The following VWA2 variants were observed in gnomAD, a reference collection of about 807,000 sequenced individuals.
The protein encoded by VWA2 is von Willebrand factor A domain-containing protein 2.
In VWA2, 73 loss-of-function variants were observed where a neutral mutation model predicts 70.4. That is an observed-to-expected ratio of 1.04 (90% CI 0.86 to 1.26). The LOEUF (loss-of-function observed/expected upper bound fraction) is 1.26. Ranked by LOEUF, VWA2 falls within the 50% of genes most tolerant of loss-of-function variation. VWA2 has a pLI of 0.00. For missense variants in VWA2, 1,011 were observed against 998.5 expected (o/e 1.01, Z -0.17); for synonymous variants, 407 against 423.3 (o/e 0.96, Z 0.47).
At chr10:114,276,134 C>G (rs1029901978) in intron 6 of VWA2, among the ~76,000 whole-genome samples, 1 of 152,170 alleles carries the variant, frequency 6.6e-6, no homozygotes, top group African/African-American at 2.4e-5. Context: ...CTTTGAGCAG[C>G]CATGGCCTAG....
At position 114,288,266 on chromosome 10, in the gene VWA2, G is replaced by A. The variant is rs188376394; in HGVS notation, c.1571-672G>A. 2.5e-3 allele frequency among the ~76,000 whole-genome samples: 380 copies of A among 152,190 alleles called. 1 individual carries two copies. The highest frequency in any genetic ancestry group is 2.6e-3 in the Non-Finnish European group (175 of 68,008). On this transcript the variant is annotated intron_variant, in intron 11 of 13. Transcript: ENST00000392982. The stretch of plus-strand genomic sequence containing the variant: ...CCAGTCTTGTTATGTTCCCCTACTG[G>A]TCTCTCTCGAAGTCCCCTGCTTTTC...
At chr10:114,279,371 T>TA (rs1217994713) in intron 8 of VWA2, among the ~76,000 whole-genome samples, 1 of 152,036 alleles carries the variant, frequency 6.6e-6, no homozygotes, top group Non-Finnish European at 1.5e-5. Flanking sequence ...GGCACTTTCT[T>TA]TAGACTACCT....
intron 1 of VWA2, among the ~76,000 whole-genome samples, chr10:114,245,181 A>G (rs902097924): frequency 1.3e-5 from 2 of 152,178 alleles, no homozygotes; most frequent in Non-Finnish European, 2.9e-5. Context: ...TTGCCAACAT[A>G]CATTCTATTT....
intron 2 of VWA2, among the ~76,000 whole-genome samples, chr10:114,249,884 G>A (rs559062699): frequency 4.3e-4 from 66 of 151,970 alleles, no homozygotes; most frequent in African/African-American, 1.4e-3. Flanking sequence ...ATCTTACCCC[G>A]TGGCCATCCT....
rs1419341434 is a variant in VWA2, at chr10:114,293,836, T to A, written c.*2599T>A. On this transcript the variant is annotated 3_prime_UTR_variant, in exon 14 of 14. Coordinates refer to ENST00000392982, the MANE Select transcript of VWA2 (RefSeq NM_001272046.2). ...CTTCCTTTCAAAGTTGTATACCACT[T>A]CTTTTTCTTGTCATTTTGCATTGCC... 6.6e-6 allele frequency among the ~76,000 whole-genome samples: 1 copy of A among 152,220 alleles called. No individual in the cohort carries two copies. The highest frequency in any genetic ancestry group is 6.5e-5 in the Admixed American group (1 of 15,288).
intron 5 of VWA2, among the ~76,000 whole-genome samples, chr10:114,271,608 A>ACACACACACACACAC (rs2037711035): frequency 3.5e-5 from 5 of 144,796 alleles, no homozygotes; most frequent in African/African-American, 1.3e-4. Context: ...GAGAAGTAAA[A>ACACACACACACACAC]ACACACACAC....
intron 2 of VWA2, among the ~76,000 whole-genome samples, chr10:114,249,008 TTTTTTTA>T (rs1336569643): frequency 6.6e-6 from 1 of 152,128 alleles, no homozygotes; most frequent in Non-Finnish European, 1.5e-5. Context: ...TGGCTATTTC[TTTTTTTA>T]TTTTTAAGTT....
intron 1 of VWA2, chr10:114,246,277 T>TA: frequency 1.5e-6 from 1 of 661,734 alleles, no homozygotes; most frequent in South Asian, 1.5e-5. Context: ...GAGGCGGTCG[T>TA]ATCACCTGAG....
In VWA2 at chr10:114,278,786, T is replaced by C. The variant is rs1219314404; in HGVS notation, c.768T>C (p.Asn256=). 3 of 1,613,810 alleles carry C rather than the reference T, an allele frequency of 1.9e-6. No homozygotes were observed. The highest frequency in any genetic ancestry group is 1.1e-5 in the South Asian group (1 of 91,060). Residue 256 remains asparagine, a synonymous_variant, in exon 8 of 14, where the codon AAT becomes AAC. Coordinates refer to ENST00000392982, the MANE Select transcript of VWA2 (RefSeq NM_001272046.2). ...AGATGGTCCGGGAGTTCGCTGGCAA[T>C]GCCCCATGCTGGAGAGGATCGCGGC... ...TLEMVREFAG[N]APCWRGSRRT...
intron 8 of VWA2, chr10:114,281,142 C>T (rs1167903911): frequency 1.3e-5 from 2 of 152,254 alleles, no homozygotes; most frequent in Non-Finnish European, 2.9e-5. Flanking sequence ...ATTGGCCTGC[C>T]CCTGTGTGGG....
intron 5 of VWA2, among the ~76,000 whole-genome samples, chr10:114,272,489 C>CA (rs112145318): frequency 1.6e-4 from 25 of 152,310 alleles, no homozygotes; most frequent in Admixed American, 1.2e-3. Context: ...GAGAAAAACA[C>CA]ACCCAACACA....
At chr10:114,239,885 G>A (rs1023004541) in intron 1 of VWA2, among the ~76,000 whole-genome samples, 1 of 152,212 alleles carries the variant, frequency 6.6e-6, no homozygotes, top group East Asian at 1.9e-4. Flanking sequence ...AGTGGGTAGG[G>A]GCTCCGGGTA....
At chr10:114,246,075 CG>C in intron 1 of VWA2, 1 of 453,950 alleles carries the variant, frequency 2.2e-6, no homozygotes, top group South Asian at 1.7e-5. Context: ...CCCCGCCCCC[CG>C]CCCAAGATGA....
chr10:114,277,992 C>T lies in VWA2; in HGVS notation c.645C>T (p.Thr215=). The change falls in exon 7 of 14, where the codon ACC becomes ACT. Residue 215 remains threonine (T), a synonymous_variant. Transcript: ENST00000392982. ...VLLAEQVEDA[T]NGLFSTLSSS... ...TGGCTGAGCAGGTGGAGGATGCCAC[C>T]AACGGCCTCTTCAGCACCCTCAGCA... 6.2e-7 allele frequency: 1 copy of T among 1,613,374 alleles called. No individual in the cohort carries two copies. Among genetic ancestry groups the T allele is most frequent in the Non-Finnish European group, 8.5e-7 (1 of 1,179,798 alleles).
chr10:114,255,110 C>G, intron 4 of VWA2, 62 bp downstream of exon 4: 1 of 1,586,528 alleles, frequency 6.3e-7, no homozygotes, highest in Non-Finnish European at 8.6e-7. Flanking sequence ...GACAGAAACC[C>G]GGTCTCAAGC....
chr10:114,281,671 G>C, intron 8 of VWA2: 4 of 933,530 alleles, frequency 4.3e-6, no homozygotes, highest in Non-Finnish European at 5.1e-6. Context: ...TTGTTGTGTG[G>C]ACCAGATAGT....
chr10:114,286,117 G>A lies in VWA2; in HGVS notation c.1176G>A (p.Leu392=). The A allele has an allele frequency of 3.1e-6, 5 of 1,614,150 alleles. No homozygotes were observed. The highest frequency in any genetic ancestry group is 4.2e-6 in the Non-Finnish European group (5 of 1,180,034). Residue 392 remains leucine (L), a synonymous_variant, in exon 11 of 14, where the codon CTG becomes CTA. Coordinates refer to ENST00000392982, the MANE Select transcript of VWA2 (RefSeq NM_001272046.2). ...VGVATYSREL[L]VAVPVGEYQD... ...TGGCCACATACAGCAGGGAGCTGCT[G>A]GTGGCGGTGCCTGTGGGGGAGTACC...
intron 1 of VWA2, among the ~76,000 whole-genome samples, chr10:114,240,996 T>C (rs2036965878): frequency 6.6e-6 from 1 of 152,332 alleles, no homozygotes. Flanking sequence ...CTCTCTTCAA[T>C]AGGCACAAGC....
rs777038504 is a variant in VWA2, at chr10:114,282,588, G to T, written c.889+17G>T. On this transcript the variant is annotated intron_variant, in intron 9 of 13. Transcript: ENST00000392982. ...CCTGCCCAGGTATGGTCTGTCTCTT[G>T]GATTTACAGGTTCTTTCAGGGCCCT... The T allele has an allele frequency of 1.2e-5, 19 of 1,613,076 alleles. No individual in the cohort carries two copies. The highest frequency in any genetic ancestry group is 1.6e-5 in the Non-Finnish European group (19 of 1,179,180).
Sources: allele counts gnomAD v4.1 joint callset (sites outside exome capture counted in the v4.1 genomes callset), GRCh38; gene constraint gnomAD v4.1.1; transcripts MANE v1.5; gene names NCBI Gene and HGNC (gene_info 2026-07-23, HGNC 2026-07-21).